The following TRDMT1 variants were observed in gnomAD, a reference collection of about 807,000 sequenced individuals.
TRDMT1 encodes tRNA (cytosine(38)-C(5))-methyltransferase.
A neutral mutation model predicts 51.2 loss-of-function variants in TRDMT1; 49 were observed. The ratio of observed to expected loss-of-function variants is 0.96; its 90% confidence interval spans 0.76 to 1.21. The LOEUF (loss-of-function observed/expected upper bound fraction) is 1.21, where lower values mean the gene tolerates loss of function less well. TRDMT1 is among the 50% of genes most tolerant of loss of function. The pLI, the probability that TRDMT1 is intolerant of heterozygous loss-of-function variation, is 0.00. For synonymous variants in TRDMT1, 187 were observed against 164.6 expected (o/e 1.14, Z -1.04); for missense variants, 534 against 462.3 (o/e 1.16, Z -1.42).
intron 1 of TRDMT1, among the ~76,000 whole-genome samples, chr10:17,183,314 G>A (rs1475077064): frequency 6.6e-6 from 1 of 152,108 alleles, no homozygotes; most frequent in Non-Finnish European, 1.5e-5. Context: ...TATCAACAGA[G>A]GCTATCCCCT....
intron 10 of TRDMT1, chr10:17,150,600 C>T (rs1588699175): frequency 1.0e-6 from 1 of 984,864 alleles, no homozygotes; most frequent in Non-Finnish European, 1.2e-6. Context: ...TCTAGCATAG[C>T]AAGGAAATAA....
At chr10:17,192,537 C>A (rs901089070) in intron 1 of TRDMT1, among the ~76,000 whole-genome samples, 1 of 152,206 alleles carries the variant, frequency 6.6e-6, no homozygotes, top group African/African-American at 2.4e-5. Context: ...CAGACATTTC[C>A]GGAAACACGC....
At chr10:17,200,463 A>G (rs10904905) in intron 1 of TRDMT1, 24,200 of 167,732 alleles carry the variant, frequency 0.14, 1,827 homozygotes, top group Admixed American at 0.17. Flanking sequence ...TTGAAACTCA[A>G]TAAATCTGCT....
In TRDMT1 at chr10:17,197,992, C is replaced by A. The variant is rs564403636; in HGVS notation, c.64+3579G>T. Among the ~76,000 whole-genome samples, 14 of 151,872 alleles carry A rather than the reference C, an allele frequency of 9.2e-5. No individual in the cohort carries two copies. The East Asian group carries it at 2.3e-3, about 25-fold the overall frequency. The stretch of plus-strand genomic sequence containing the variant: ...GAGGTTGCAGTGAACTGAGATCGCG[C>A]CACTGCACTCCAGCCTGGGCAAGAA... On this transcript the variant is annotated intron_variant, in intron 1 of 10. Coordinates refer to ENST00000377799, the MANE Select transcript of TRDMT1 (RefSeq NM_004412.7).
At chr10:17,183,234 T>C (rs1186198944) in intron 1 of TRDMT1, among the ~76,000 whole-genome samples, 1 of 152,166 alleles carries the variant, frequency 6.6e-6, no homozygotes, top group Non-Finnish European at 1.5e-5. Flanking sequence ...ATATCTTGAG[T>C]AAAAATCCAA....
chr10:17,178,527 T>A (rs1162679522), intron 1 of TRDMT1, among the ~76,000 whole-genome samples: 1 of 151,812 alleles, frequency 6.6e-6, no homozygotes, highest in Admixed American at 6.6e-5. Flanking sequence ...AATACAAAAA[T>A]TAGCCAGGCA....
intron 1 of TRDMT1, among the ~76,000 whole-genome samples, chr10:17,180,180 T>C (rs529121186): frequency 1.3e-5 from 2 of 152,336 alleles, no homozygotes; most frequent in South Asian, 4.1e-4. Context: ...TTGCCTTTCC[T>C]AGATACTACG....
intron 9 of TRDMT1, 58 bp downstream of exon 9, chr10:17,154,619 A>G: frequency 7.2e-7 from 1 of 1,386,382 alleles, no homozygotes; most frequent in Non-Finnish European, 9.7e-7. Context: ...TTCTCAAAGT[A>G]TTAAACAATT....
At position 17,160,673 on chromosome 10, in the gene TRDMT1, A is replaced by G. The variant is rs978199791; in HGVS notation, c.390-299T>C. On this transcript the variant is annotated intron_variant, in intron 5 of 10. Transcript: ENST00000377799. The stretch of plus-strand genomic sequence containing the variant: ...TTTTTAGTAGATACAGGGTTTCACC[A>G]TCTTGGCCAGGCTGGTCTAGAACTC... 2.0e-5 allele frequency among the ~76,000 whole-genome samples: 3 copies of G among 152,098 alleles called. No homozygotes were observed. In the South Asian group the frequency reaches 6.2e-4, roughly 31 times the overall value.
In TRDMT1 at chr10:17,143,419, C is replaced by T; in HGVS notation, c.*5621G>A. ...ATTGTCTACTCATTCATAGGATCAG[C>T]TCTTAAATATGAAAGTCAACTCATT... On this transcript the variant is annotated 3_prime_UTR_variant, in exon 11 of 11. Coordinates refer to ENST00000377799, the MANE Select transcript of TRDMT1 (RefSeq NM_004412.7). The T allele has an allele frequency of 3.0e-6, 3 of 985,430 alleles. No homozygotes were observed. The highest frequency in any genetic ancestry group is 3.6e-6 in the Non-Finnish European group (3 of 829,938). The allele number at this position is 985,430 out of a possible 1,614,324, so 61.0% of individuals were successfully genotyped here.
intron 1 of TRDMT1, among the ~76,000 whole-genome samples, chr10:17,177,355 C>A (rs1386444684): frequency 6.6e-6 from 1 of 151,940 alleles, no homozygotes; most frequent in Non-Finnish European, 1.5e-5. Context: ...ACACTTGCCA[C>A]CACACCCAGC....
intron 1 of TRDMT1, among the ~76,000 whole-genome samples, chr10:17,197,259 A>T (rs557983056): frequency 6.6e-6 from 1 of 152,384 alleles, no homozygotes; most frequent in South Asian, 2.1e-4. Context: ...TATCAATTCA[A>T]TAGTAACCTC....
intron 2 of TRDMT1, among the ~76,000 whole-genome samples, chr10:17,170,943 A>G (rs1841900200): frequency 6.6e-6 from 1 of 152,222 alleles, no homozygotes; most frequent in South Asian, 2.1e-4. Context: ...ATACTCAATC[A>G]CATTTTTAAA....
At position 17,145,319 on chromosome 10, in the gene TRDMT1, C is replaced by G; in HGVS notation, c.*3721G>C. 2 of 985,300 alleles carry G rather than the reference C, an allele frequency of 2.0e-6. No individual in the cohort carries two copies. The highest frequency in any genetic ancestry group is 2.4e-6 in the Non-Finnish European group (2 of 829,986). The allele number at this position is 985,300 out of a possible 1,614,324, so 61.0% of individuals were successfully genotyped here. ...GGAAACTCTCAAATGAAAGGCATAA[C>G]TAGACATCTTGGTGGGTGTGACAGA... is the stretch of plus-strand genomic sequence containing the variant. On this transcript the variant is annotated 3_prime_UTR_variant, in exon 11 of 11. Coordinates refer to ENST00000377799, the MANE Select transcript of TRDMT1 (RefSeq NM_004412.7).
Position 17,157,582 on chromosome 10 carries a change from G to A in TRDMT1, c.746C>T (p.Ser249Phe), listed in dbSNP as rs1429310267. The A allele has an allele frequency of 6.2e-7, 1 of 1,614,010 alleles. No homozygotes were observed. The highest frequency in any genetic ancestry group is 8.5e-7 in the Non-Finnish European group (1 of 1,179,950). The change falls in exon 8 of 11, where the codon TCT becomes TTT. Residue 249 changes from serine (S) to phenylalanine (F), a missense_variant. By Grantham distance (155) the Ser-to-Phe change is radical. Coordinates refer to ENST00000377799, the MANE Select transcript of TRDMT1 (RefSeq NM_004412.7). ...HRKNQQDSDL[S>F]VKMLKDFLED... ...AAGAAAATCTTTTAGCATTTTCACA[G>A]AGAGATCACTATCTTGTTGATTTTT...
In TRDMT1 at chr10:17,143,159, T is replaced by C. The variant is rs192624034; in HGVS notation, c.*5881A>G. On this transcript the variant is annotated 3_prime_UTR_variant, in exon 11 of 11. Coordinates refer to ENST00000377799, the MANE Select transcript of TRDMT1 (RefSeq NM_004412.7). Reference sequence around the variant, plus strand: ...TTTTCAAGAGAACAACTTAAAGACATTGTTTGAACTCCACAGTGTGGTGCT... The same window carrying C: ...TTTTCAAGAGAACAACTTAAAGACACTGTTTGAACTCCACAGTGTGGTGCT... 127 of 985,420 alleles carry C rather than the reference T, an allele frequency of 1.3e-4. No homozygotes were observed. In the South Asian group the frequency reaches 3.4e-3, roughly 26 times the overall value. 61.0% of individuals were successfully genotyped at this position (985,420 alleles called of 1,614,324 possible). A position where few individuals can be genotyped will look rare whatever the true frequency, so the allele number is the denominator to read the frequency against.
intron 3 of TRDMT1, among the ~76,000 whole-genome samples, chr10:17,166,634 C>T (rs1841253635): frequency 6.6e-6 from 1 of 152,176 alleles, no homozygotes; most frequent in Non-Finnish European, 1.5e-5. Context: ...ATCTGAGGTT[C>T]AGCTGTGGGA....
intron 1 of TRDMT1, among the ~76,000 whole-genome samples, chr10:17,180,820 A>T (rs1248312771): frequency 2.6e-5 from 4 of 152,212 alleles, no homozygotes; most frequent in African/African-American, 7.2e-5. Context: ...TGAGTACTTA[A>T]GAAACAGTAT....
rs557054306 is a variant in TRDMT1, at chr10:17,138,452, T to C, written c.*10588A>G. Among the ~76,000 whole-genome samples, 28 of 152,324 alleles carry C rather than the reference T, an allele frequency of 1.8e-4. No homozygotes were observed. The highest frequency in any genetic ancestry group is 1.2e-3 in the South Asian group (6 of 4,830). On this transcript the variant is annotated 3_prime_UTR_variant, in exon 11 of 11. Coordinates refer to ENST00000377799, the MANE Select transcript of TRDMT1 (RefSeq NM_004412.7). ...CATGAAGGATTACATAAAATAATGA[T>C]GGAAATCAAGGTACATTTAAAACTA...
Sources: gnomAD v4.1 joint callset for allele counts (sites outside exome capture counted in the v4.1 genomes callset) on GRCh38, gnomAD v4.1.1 for gene constraint, MANE v1.5 for transcripts, NCBI Gene and HGNC (gene_info 2026-07-23, HGNC 2026-07-21) for gene names.